Variants in HMGCLL1 observed in about 807,000 individuals in gnomAD.
The protein encoded by HMGCLL1 is 3-hydroxymethyl-3-methylglutaryl-CoA lyase, cytoplasmic.
A neutral mutation model predicts 39.1 loss-of-function variants in HMGCLL1; 36 were observed. The ratio of observed to expected loss-of-function variants is 0.92; its 90% CI spans 0.71 to 1.22. The LOEUF (loss-of-function observed/expected upper bound fraction) is 1.22. Ranked by LOEUF, HMGCLL1 falls within the 50% of genes most tolerant of loss-of-function variation. The pLI is 0.00. For missense variants in HMGCLL1, 451 were observed against 416.5 expected (o/e 1.08, Z -0.72); for synonymous variants, 149 against 144.0 (o/e 1.03, Z -0.25).
the HMGCLL1 span, among the ~76,000 whole-genome samples, chr6:55,633,058 G>A: frequency 6.6e-6 from 1 of 152,032 alleles, no homozygotes; most frequent in Non-Finnish European, 1.5e-5. Context: ...GATAAAAATT[G>A]TATTACTTTA....
chr6:55,473,273 C>T (rs1227943415), intron 7 of HMGCLL1, among the ~76,000 whole-genome samples: 1 of 151,408 alleles, frequency 6.6e-6, no homozygotes, highest in Non-Finnish European at 1.5e-5. Context: ...GGATTAATAT[C>T]CACCATATTT....
the HMGCLL1 span, among the ~76,000 whole-genome samples, chr6:55,647,745 C>CTTTTTT: frequency 5.8e-4 from 67 of 115,810 alleles, no homozygotes; most frequent in African/African-American, 1.5e-3. Flanking sequence ...TTTTTTTTTC[C>CTTTTTT]TTTTTTTTTT....
At chr6:55,544,213 T>G (rs943888102) in intron 1 of HMGCLL1, among the ~76,000 whole-genome samples, 3 of 152,136 alleles carry the variant, frequency 2.0e-5, no homozygotes, top group Admixed American at 6.6e-5. Context: ...TTCTGAAACC[T>G]CTGGTTTCAG....
chr6:55,449,945 G>C (rs995994960), intron 7 of HMGCLL1, among the ~76,000 whole-genome samples: 14 of 151,494 alleles, frequency 9.2e-5, no homozygotes, highest in African/African-American at 3.4e-4. Flanking sequence ...TAGTTAGTCA[G>C]TTATCTCTTA....
intron 7 of HMGCLL1, among the ~76,000 whole-genome samples, chr6:55,472,125 C>A (rs974333865): frequency 6.6e-6 from 1 of 151,544 alleles, no homozygotes; most frequent in African/African-American, 2.4e-5. Flanking sequence ...TTGAACATAT[C>A]TTTTGGTGAA....
At chr6:55,632,656 T>C in the HMGCLL1 span, among the ~76,000 whole-genome samples, 1 of 152,006 alleles carries the variant, frequency 6.6e-6, no homozygotes, top group African/African-American at 2.4e-5. Flanking sequence ...ACTTATTATA[T>C]CAATTGAGAG....
At chr6:55,602,182 T>C in the HMGCLL1 span, among the ~76,000 whole-genome samples, 1 of 152,036 alleles carries the variant, frequency 6.6e-6, no homozygotes, top group South Asian at 2.1e-4. Flanking sequence ...CAGAGCATAG[T>C]GGGGAGTAGA....
In HMGCLL1 at chr6:55,435,617, A is replaced by C; in HGVS notation, c.*45T>G. ...TTAATGATTTTCAGATGAGTATTGT[A>C]GCTGAAATTGATCTTCTCAACGGTA... On this transcript the variant is annotated 3_prime_UTR_variant, in exon 9 of 9. Coordinates refer to ENST00000274901, the MANE Select transcript of HMGCLL1 (RefSeq NM_001042406.2). The C allele has an allele frequency of 9.3e-7, 1 of 1,079,612 alleles. No homozygotes were observed. Among genetic ancestry groups the C allele is most frequent in the South Asian group, 1.4e-5 (1 of 69,894 alleles). 66.9% of individuals were successfully genotyped at this position (1,079,612 alleles called of 1,614,324 possible).
chr6:55,475,653 G>C (rs750808149), intron 7 of HMGCLL1, among the ~76,000 whole-genome samples: 1 of 151,606 alleles, frequency 6.6e-6, no homozygotes, highest in Non-Finnish European at 1.5e-5. Context: ...AATCCTAATT[G>C]TAATATAGCC....
chr6:55,595,417 A>G, the HMGCLL1 span, among the ~76,000 whole-genome samples: 16 of 152,244 alleles, frequency 1.1e-4, no homozygotes, highest in African/African-American at 3.9e-4. Context: ...AAAAGGTGAC[A>G]TATATTTATT....
At chr6:55,448,251 T>C (rs757153370) in intron 7 of HMGCLL1, among the ~76,000 whole-genome samples, 5 of 151,356 alleles carry the variant, frequency 3.3e-5, no homozygotes, top group South Asian at 2.1e-4. Context: ...AGAGACAGAG[T>C]TGATAAATTA....
At chr6:55,570,288 T>A (rs1392758548) in intron 1 of HMGCLL1, among the ~76,000 whole-genome samples, 1 of 152,206 alleles carries the variant, frequency 6.6e-6, no homozygotes, top group African/African-American at 2.4e-5. Flanking sequence ...ATTCTCAGCC[T>A]CTTTACTGAA....
chr6:55,439,286 T>G, intron 8 of HMGCLL1, 148 bp downstream of exon 8: 1 of 693,886 alleles, frequency 1.4e-6, no homozygotes, highest in East Asian at 2.8e-5. Context: ...CCAAAAGAAT[T>G]TTTATTGCAT....
At chr6:55,667,468 G>C in the HMGCLL1 span, among the ~76,000 whole-genome samples, 25 of 151,870 alleles carry the variant, frequency 1.6e-4, 1 homozygote, top group African/African-American at 5.5e-4. Flanking sequence ...TGGATGCAGA[G>C]AAGCTAAGTA....
At chr6:55,552,035 T>C (rs1364810588) in intron 1 of HMGCLL1, among the ~76,000 whole-genome samples, 1 of 152,112 alleles carries the variant, frequency 6.6e-6, no homozygotes, top group East Asian at 1.9e-4. Context: ...ACCAAAGTTC[T>C]AACTATATGA....
chr6:55,437,246 A>T (rs1763408864), intron 8 of HMGCLL1, among the ~76,000 whole-genome samples: 1 of 151,956 alleles, frequency 6.6e-6, no homozygotes, highest in African/African-American at 2.4e-5. Flanking sequence ...CTCGTATACT[A>T]TGATAGATTC....
chr6:55,563,844 C>T (rs1403131795), intron 1 of HMGCLL1: 1 of 1,283,416 alleles, frequency 7.8e-7, no homozygotes. Flanking sequence ...GAGAGGTGCC[C>T]TCAAATATGA....
At chr6:55,471,352 T>A (rs541767362) in intron 7 of HMGCLL1, among the ~76,000 whole-genome samples, 1 of 151,902 alleles carries the variant, frequency 6.6e-6, no homozygotes, top group South Asian at 2.1e-4. Context: ...TCAGTTTTTA[T>A]CATTATAAAC....
the HMGCLL1 span, among the ~76,000 whole-genome samples, chr6:55,591,674 A>G: frequency 1.5e-5 from 2 of 129,652 alleles, no homozygotes; most frequent in African/African-American, 6.3e-5. Flanking sequence ...TTACTCTACC[A>G]CTTAAGGAAG....
Sources: allele counts gnomAD v4.1 joint callset (sites outside exome capture counted in the v4.1 genomes callset), GRCh38; gene constraint gnomAD v4.1.1; transcripts MANE v1.5; gene names NCBI Gene and HGNC (gene_info 2026-07-23, HGNC 2026-07-21).